Variants in POLG observed in about 807,000 individuals in gnomAD.
POLG encodes the protein DNA polymerase subunit gamma-1.
In POLG, 110 loss-of-function variants were observed where a neutral mutation model predicts 155.4. The ratio of observed to expected loss-of-function variants is 0.71; its 90% CI spans 0.61 to 0.83. The LOEUF is 0.83. Ranked by LOEUF, POLG falls within the 40% of genes least tolerant of loss-of-function variation. The pLI is 0.00. For missense variants in POLG, 1,685 were observed against 1,627.5 expected, an observed-to-expected ratio of 1.04 and a Z score of -0.61; for synonymous variants, 701 against 631.5, an observed-to-expected ratio of 1.11 and a Z score of -1.65.
Position 89,325,175 on chromosome 15 carries a change from T to A in POLG, c.1949+275A>T, listed in dbSNP as rs113711346. The stretch of plus-strand genomic sequence containing the variant: ...GTGAGTGAGTGAGTGAGTGAGAGAG[T>A]GAGAGAGTGAGTGAGTGAGAGAGTG... On this transcript the variant is annotated intron_variant, in intron 10 of 22. Transcript: ENST00000268124. Among the ~76,000 whole-genome samples, 29 of 49,390 alleles carry A rather than the reference T, an allele frequency of 5.9e-4. 1 individual carries two copies. Among genetic ancestry groups the A allele is most frequent in the East Asian group, 1.8e-3 (3 of 1,654 alleles). 32.4% of individuals were successfully genotyped at this position (49,390 alleles called of 152,430 possible). A position where few individuals can be genotyped will look rare whatever the true frequency, so the allele number is the denominator to read the frequency against.
intron 21 of POLG, 89 bp from the exon 22 acceptor site, chr15:89,317,625 G>T: frequency 7.7e-7 from 1 of 1,302,832 alleles, no homozygotes; most frequent in Non-Finnish European, 1.1e-6. Flanking sequence ...ACCCCTTAGA[G>T]CAGGGCTTCC....
At position 89,319,255 on chromosome 15, in the gene POLG, C is replaced by T. The variant is rs777038915; in HGVS notation, c.3077G>A (p.Arg1026His). Residue 1026 changes from arginine (R) to histidine (H), a missense_variant, in exon 19 of 23, where the codon CGC becomes CAC. Arg to His is a conservative substitution (Grantham distance 29). Transcript: ENST00000268124. ...EGGWISLQDLRKVQRETARKS... is the reference protein window; with the variant it reads ...EGGWISLQDLHKVQRETARKS... ...CCTTGCAGTTTCTCTCTGGACCTTG[C>T]GCAGATCCTGCAGGGAAATCCAGCC... is the stretch of plus-strand genomic sequence containing the variant. 76 of 1,614,068 alleles carry T rather than the reference C, an allele frequency of 4.7e-5. No homozygotes were observed. The highest frequency in any genetic ancestry group is 8.3e-5 in the Admixed American group (5 of 60,010).
In POLG at chr15:89,321,981, G is replaced by C; in HGVS notation, c.2461C>G (p.Leu821Val). The change falls in exon 15 of 23, where the codon CTG becomes GTG. Residue 821 changes from leucine to valine, a missense_variant. Around this residue, in one of 3 missense-constraint regions of POLG, gnomAD observed 1,210 missense variants for 1,167.1 expected, o/e 1.04. Transcript: ENST00000268124. The stretch of plus-strand genomic sequence containing the variant: ...CCATACCTGATCACAGCACGGGGCA[G>C]AGCTGACCTGGGCAGCCACACCACC... ...QMVVWLPRSA[L>V]PRAVIRHPDY... is the part of the protein sequence containing the mutation. The C allele has an allele frequency of 6.2e-7, 1 of 1,614,164 alleles. No individual in the cohort carries two copies. Among genetic ancestry groups the C allele is most frequent in the Non-Finnish European group, 8.5e-7 (1 of 1,180,000 alleles).
Position 89,319,218 on chromosome 15 carries a change from A to G in POLG, c.3104+10T>C. On this transcript the variant is annotated intron_variant, in intron 19 of 22. Coordinates refer to ENST00000268124, the MANE Select transcript of POLG (RefSeq NM_002693.3). ...CCTCCCTCCATCCTTAACACAAAGA[A>G]GGTTCTTACTTCCTTGCAGTTTCTC... 1 of 1,614,178 alleles carries G rather than the reference A, an allele frequency of 6.2e-7. No individual in the cohort carries two copies. Among genetic ancestry groups the G allele is most frequent in the Non-Finnish European group, 8.5e-7 (1 of 1,180,036 alleles).
rs1567189572 is a variant in POLG, at chr15:89,325,151, TGAGTGAGTGAGTGAGTGAGA to T, written c.1949+279_1949+298del. ...GTGAGAGAGTGAGTGAGAGAGTGAGTGAGTGAGTGAGTGAGTGAGAGAGTGAGAGAGTGAGTGAGTGAGAG... is the reference window on the plus strand; with the variant it reads ...GTGAGAGAGTGAGTGAGAGAGTGAGTGAGTGAGAGAGTGAGTGAGTGAGAG... On this transcript the variant is annotated intron_variant, in intron 10 of 22. Coordinates refer to ENST00000268124, the MANE Select transcript of POLG (RefSeq NM_002693.3). Among the ~76,000 whole-genome samples, 33 of 42,208 alleles carry T rather than the reference TGAGTGAGTGAGTGAGTGAGA, an allele frequency of 7.8e-4. 8 individuals carry two copies. The highest frequency in any genetic ancestry group is 2.7e-3 in the South Asian group (4 of 1,456). The allele number at this position is 42,208 out of a possible 152,430, so 27.7% of individuals were successfully genotyped here.
At position 89,334,679 on chromosome 15, in the gene POLG, C is replaced by G. The variant is rs776696762; in HGVS notation, c.-166G>C. ...CGCCGACCCCGCCGGAAACCTCGGT[C>G]CTCACGGTGCTTCCCGGTCTGCTGC... On this transcript the variant is annotated 5_prime_UTR_variant, in exon 1 of 23. Transcript: ENST00000268124. 1 of 152,512 alleles carries G rather than the reference C, an allele frequency of 6.6e-6. No homozygotes were observed. The highest frequency in any genetic ancestry group is 1.5e-5 in the Non-Finnish European group (1 of 68,270). 9.4% of individuals were successfully genotyped at this position (152,512 alleles called of 1,614,324 possible).
intron 10 of POLG, among the ~76,000 whole-genome samples, chr15:89,325,050 G>A (rs2055455809): frequency 8.7e-6 from 1 of 115,372 alleles, no homozygotes; most frequent in Middle Eastern, 3.9e-3. Flanking sequence ...GTGAGTGAGT[G>A]AGTGAGAGAG....
Position 89,316,766 on chromosome 15 carries a change from G to C in POLG, c.3705C>G (p.Ser1235Arg). 6.8e-6 allele frequency: 11 copies of C among 1,613,382 alleles called. No homozygotes were observed. The highest frequency in any genetic ancestry group is 8.5e-6 in the Non-Finnish European group (10 of 1,179,314). ...ELTKGSLEKRSQPGP is the reference protein window; with the variant it reads ...ELTKGSLEKRRQPGP ...CCAGGCAGTGCTATGGTCCAGGCTG[G>C]CTTCGTTTTTCCAAGGAGCCTTTGG... Residue 1235 changes from serine to arginine, a missense_variant, in exon 23 of 23, where the codon AGC becomes AGG. By Grantham distance (110) the Ser-to-Arg change is moderately radical. This residue lies in a region of POLG where 470 missense variants were observed against 439.9 expected (regional missense o/e 1.07). Transcript: ENST00000268124.
chr15:89,321,884 T>G (rs780190623), intron 15 of POLG, 31 bp from the exon 16 acceptor site: 1 of 1,608,084 alleles, frequency 6.2e-7, no homozygotes, highest in South Asian at 1.1e-5. Flanking sequence ...GAAATGGGTC[T>G]TAGCAGGGTG....
chr15:89,321,407 T>C lies in POLG; in HGVS notation c.2599-147A>G, dbSNP rs1445536317. The C allele has an allele frequency of 3.1e-5, 29 of 939,176 alleles. No individual in the cohort carries two copies. In the Admixed American group the frequency reaches 5.6e-4, roughly 18 times the overall value. 58.2% of individuals were successfully genotyped at this position (939,176 alleles called of 1,614,324 possible). A position where few individuals can be genotyped will look rare whatever the true frequency, so the allele number is the denominator to read the frequency against. On this transcript the variant is annotated intron_variant, in intron 16 of 22. Transcript: ENST00000268124. The stretch of plus-strand genomic sequence containing the variant: ...TGCTGAAATTCCACAGTTCCAGAGA[T>C]GGCCACCTATCAGCAATTGGTGTGA...
Position 89,330,072 on chromosome 15 carries a change from G to A in POLG, c.855+9C>T. On this transcript the variant is annotated intron_variant, in intron 3 of 22. Coordinates refer to ENST00000268124, the MANE Select transcript of POLG (RefSeq NM_002693.3). ...TGCCAGAACCTGCAGTTGGCCCCAGGAACCTTACCTGGATCAGGTACTGCT... is the reference window on the plus strand; with the variant it reads ...TGCCAGAACCTGCAGTTGGCCCCAGAAACCTTACCTGGATCAGGTACTGCT... The A allele has an allele frequency of 3.1e-6, 5 of 1,613,016 alleles. No individual in the cohort carries two copies. Among genetic ancestry groups the A allele is most frequent in the Non-Finnish European group, 4.2e-6 (5 of 1,179,048 alleles).
intron 2 of POLG, among the ~76,000 whole-genome samples, chr15:89,330,795 A>G (rs1267326894): frequency 6.6e-6 from 1 of 152,042 alleles, no homozygotes; most frequent in Non-Finnish European, 1.5e-5. Context: ...TCACGGCTGA[A>G]AAGATTCTGG....
chr15:89,325,373 C>T, intron 10 of POLG, 77 bp downstream of exon 10: 2 of 1,002,768 alleles, frequency 2.0e-6, no homozygotes, highest in Admixed American at 3.5e-5. Context: ...CAAACTCTTT[C>T]CACTAGCCTG....
rs1242493308 is a variant in POLG, at chr15:89,333,662, G to A, written c.93C>T (p.Pro31=). ...APGRWVSSSV[P]ASDPSDGQRR... is the part of the protein sequence containing the mutation. ...GCTGCCCGTCGCTGGGGTCGGACGC[G>A]GGGACGGAGCTGGAGACCCAGCGCC... The change falls in exon 2 of 23, where the codon CCC becomes CCT. Residue 31 remains proline, a synonymous_variant. Coordinates refer to ENST00000268124, the MANE Select transcript of POLG (RefSeq NM_002693.3). The A allele has an allele frequency of 3.2e-6, 5 of 1,566,148 alleles. No individual in the cohort carries two copies. Among genetic ancestry groups the A allele is most frequent in the Non-Finnish European group, 4.3e-6 (5 of 1,160,880 alleles).
chr15:89,325,800 T>A, intron 9 of POLG, 114 bp from the exon 10 acceptor site: 6 of 877,718 alleles, frequency 6.8e-6, no homozygotes, highest in Non-Finnish European at 9.5e-6. Context: ...GGCTTTCTGG[T>A]GACCCCAGCC....
rs1489929200 is a variant in POLG, at chr15:89,316,357, A to G, written c.*394T>C. The G allele has an allele frequency of 1.3e-6, 2 of 1,578,730 alleles. No individual in the cohort carries two copies. Among genetic ancestry groups the G allele is most frequent in the South Asian group, 2.3e-5 (2 of 88,130 alleles). ...CTTTTTATTTCCACTGCCTTGGAGC[A>G]GGTTTATCACGTTAGAGCATTAATT... On this transcript the variant is annotated 3_prime_UTR_variant, in exon 23 of 23. Transcript: ENST00000268124.
chr15:89,333,606 T>TGCG lies in POLG; in HGVS notation c.148_149insCGC (p.Gln49_Gln50insPro). ...CTGCTGAGGCTGCTGTTGCTGCTGC[T>TGCG]GCTGCTGCTGCTGCTGCTGCTGCCG... On this transcript the variant is annotated inframe_insertion, in exon 2 of 23. Coordinates refer to ENST00000268124, the MANE Select transcript of POLG (RefSeq NM_002693.3). 1 of 1,592,008 alleles carries TGCG rather than the reference T, an allele frequency of 6.3e-7. No individual in the cohort carries two copies. Among genetic ancestry groups the TGCG allele is most frequent in the Non-Finnish European group, 8.5e-7 (1 of 1,170,186 alleles).
intron 2 of POLG, 134 bp downstream of exon 2, chr15:89,332,962 G>T: frequency 8.3e-7 from 1 of 1,206,262 alleles, no homozygotes; most frequent in Non-Finnish European, 1.1e-6. Flanking sequence ...CAGGGGTCTA[G>T]TCCTAATTCA....
At chr15:89,326,830 T>C (rs2152066810) in intron 8 of POLG, 82 bp downstream of exon 8, 1 of 1,609,158 alleles carries the variant, frequency 6.2e-7, no homozygotes, top group Non-Finnish European at 8.5e-7. Flanking sequence ...GCTGGAGCAA[T>C]CCTTTCGAAG....
Sources: allele counts gnomAD v4.1 joint callset (sites outside exome capture counted in the v4.1 genomes callset), GRCh38; gene constraint gnomAD v4.1.1; regional missense constraint gnomAD v4.1.1; transcripts MANE v1.5; gene names NCBI Gene and HGNC (gene_info 2026-07-23, HGNC 2026-07-21).